Variants in LTBP1 observed in about 807,000 individuals in gnomAD.
The protein encoded by LTBP1 is latent transforming growth factor beta binding protein 1.
In LTBP1, 129 loss-of-function variants were observed where a neutral mutation model predicts 207.6. The observed-to-expected ratio is 0.62, with a 90% confidence interval of 0.54 to 0.72. LTBP1 has a LOEUF of 0.72. LTBP1 is among the 30% of genes least tolerant of loss of function. The pLI is 0.00. For synonymous variants in LTBP1, 963 were observed against 833.7 expected (o/e 1.16, Z -2.67); for missense variants, 2,281 against 2,217.2 (o/e 1.03, Z -0.58).
intron 3 of LTBP1, among the ~76,000 whole-genome samples, chr2:33,061,751 A>T (rs939223130): frequency 2.6e-5 from 4 of 152,160 alleles, no homozygotes; most frequent in African/African-American, 9.7e-5. Flanking sequence ...GGCTATTATA[A>T]ATAAAGCTGC....
intron 9 of LTBP1, among the ~76,000 whole-genome samples, chr2:33,226,562 G>A (rs1462803695): frequency 1.3e-5 from 2 of 152,184 alleles, no homozygotes; most frequent in African/African-American, 4.8e-5. Context: ...GTAGCCATCC[G>A]GAGCAGCAGT....
intron 10 of LTBP1, among the ~76,000 whole-genome samples, chr2:33,247,662 T>C (rs2092555003): frequency 1.3e-5 from 2 of 152,204 alleles, no homozygotes; most frequent in Non-Finnish European, 2.9e-5. Flanking sequence ...ATTAACACTG[T>C]CCAATAGAAC....
At chr2:33,044,896 G>T (rs6756305) in intron 3 of LTBP1, among the ~76,000 whole-genome samples, 1 of 151,946 alleles carries the variant, frequency 6.6e-6, no homozygotes, top group East Asian at 1.9e-4. Flanking sequence ...TGTGTTGGCC[G>T]CATGAATGTC....
intron 2 of LTBP1, among the ~76,000 whole-genome samples, chr2:33,006,170 A>T (rs756051327): frequency 1.3e-5 from 2 of 150,218 alleles, no homozygotes; most frequent in Non-Finnish European, 3.0e-5. Context: ...TGACCTGCTC[A>T]TCTTAGCCTC....
chr2:33,008,459 G>A (rs1051766641), intron 2 of LTBP1, among the ~76,000 whole-genome samples: 1 of 152,052 alleles, frequency 6.6e-6, no homozygotes, highest in South Asian at 2.1e-4. Context: ...AGTAATAACA[G>A]ACTTTTAGAA....
chr2:32,953,869 C>T (rs1400794199), intron 2 of LTBP1, among the ~76,000 whole-genome samples: 1 of 152,194 alleles, frequency 6.6e-6, no homozygotes, highest in Non-Finnish European at 1.5e-5. Context: ...GATTTTGCTT[C>T]CCAGTCCTTC....
chr2:33,197,479 A>G (rs2088691312), intron 7 of LTBP1, among the ~76,000 whole-genome samples: 1 of 152,184 alleles, frequency 6.6e-6, no homozygotes, highest in Admixed American at 6.5e-5. Context: ...CTCTGAGGAG[A>G]GGCCAAGTTT....
At chr2:33,060,161 A>G (rs1572436921) in intron 3 of LTBP1, among the ~76,000 whole-genome samples, 1 of 140,448 alleles carries the variant, frequency 7.1e-6, no homozygotes, top group African/African-American at 2.5e-5. Flanking sequence ...TTCAAGTGCT[A>G]AAACCAGGGA....
chr2:33,375,552 GA>G (rs1384706788), intron 31 of LTBP1, among the ~76,000 whole-genome samples: 2 of 151,952 alleles, frequency 1.3e-5, no homozygotes, highest in African/African-American at 4.9e-5. Flanking sequence ...TTTTGAGACG[GA>G]GTCTCGCTCT....
intron 18 of LTBP1, among the ~76,000 whole-genome samples, chr2:33,277,760 C>CCTTTCTTTCTTTTCTTTCTTTCTTTCTTT (rs2093460214): frequency 1.0e-4 from 10 of 95,424 alleles, no homozygotes; most frequent in African/African-American, 5.4e-4. Context: ...TTTTTTTTTC[C>CCTTTCTTTCTTTTCTTTCTTTCTTTCTTT]CTTTCTTTCT....
At chr2:33,104,869 C>T (rs953683693) in intron 3 of LTBP1, among the ~76,000 whole-genome samples, 1 of 152,124 alleles carries the variant, frequency 6.6e-6, no homozygotes, top group African/African-American at 2.4e-5. Context: ...TTCTGACAGA[C>T]ATGACTCAGC....
chr2:33,111,784 G>A (rs756765434), intron 4 of LTBP1, among the ~76,000 whole-genome samples: 2 of 152,160 alleles, frequency 1.3e-5, no homozygotes, highest in Non-Finnish European at 2.9e-5. Flanking sequence ...CTAGACCCCA[G>A]AACAATAGTT....
chr2:32,983,483 A>T (rs574001693), intron 2 of LTBP1, among the ~76,000 whole-genome samples: 2 of 152,228 alleles, frequency 1.3e-5, no homozygotes, highest in South Asian at 4.2e-4. Flanking sequence ...TTGGCTTTGA[A>T]ACATGAGGAC....
chr2:33,106,614 C>CT (rs768064864), intron 3 of LTBP1, among the ~76,000 whole-genome samples: 62 of 144,522 alleles, frequency 4.3e-4, no homozygotes, highest in South Asian at 3.3e-3. Flanking sequence ...AAATCTTTTT[C>CT]TTTTTTTTTT....
chr2:33,237,527 G>A (rs2092106671), intron 9 of LTBP1, among the ~76,000 whole-genome samples: 2 of 152,112 alleles, frequency 1.3e-5, no homozygotes, highest in African/African-American at 2.4e-5. Context: ...GATACAATAG[G>A]TTAATTTCTG....
chr2:33,207,196 G>T (rs1296108835), intron 7 of LTBP1, among the ~76,000 whole-genome samples: 1 of 151,980 alleles, frequency 6.6e-6, no homozygotes, highest in Non-Finnish European at 1.5e-5. Context: ...TGCTTAAGAG[G>T]GTTTTTTTTC....
At chr2:33,018,112 C>G (rs75886200) in intron 2 of LTBP1, among the ~76,000 whole-genome samples, 3,429 of 151,650 alleles carry the variant, frequency 0.023, 136 homozygotes, top group East Asian at 0.2. Flanking sequence ...ATAACACGTT[C>G]TTTACTTTTC....
chr2:32,958,148 T>C (rs1317656464), intron 2 of LTBP1, among the ~76,000 whole-genome samples: 1 of 152,238 alleles, frequency 6.6e-6, no homozygotes, highest in Non-Finnish European at 1.5e-5. Context: ...ACTTTCTCAC[T>C]GTGTAATCTC....
intron 31 of LTBP1, among the ~76,000 whole-genome samples, chr2:33,387,816 A>G (rs2095280533): frequency 6.6e-6 from 1 of 151,968 alleles, no homozygotes. Flanking sequence ...TTGCGCGACA[A>G]TAGAGGAAAA....
Sources: allele counts gnomAD v4.1 joint callset (sites outside exome capture counted in the v4.1 genomes callset), GRCh38; gene constraint gnomAD v4.1.1; transcripts MANE v1.5; gene names NCBI Gene and HGNC (gene_info 2026-07-23, HGNC 2026-07-21).